The following ARHGAP18 variants were observed in gnomAD, a reference collection of about 807,000 sequenced individuals.
The protein encoded by ARHGAP18 is Rho GTPase activating protein 18, also known as rho GTPase-activating protein 18.
ARHGAP18 carries 67 observed loss-of-function variants against 86.2 expected under a neutral mutation model. That is an observed-to-expected ratio of 0.78 (90% confidence interval 0.64 to 0.95). The LOEUF is 0.95. Among genes scored for constraint, ARHGAP18 ranks in the 40% least tolerant of loss-of-function variants. The pLI is 0.00. For missense variants in ARHGAP18, 691 were observed against 780.4 expected (o/e 0.89, Z 1.37); for synonymous variants, 283 against 280.4 (o/e 1.01, Z -0.09).
intron 1 of ARHGAP18, among the ~76,000 whole-genome samples, chr6:129,681,400 T>C (rs568888189): frequency 6.6e-6 from 1 of 152,334 alleles, no homozygotes; most frequent in Non-Finnish European, 1.5e-5. Context: ...ACATTGTTAA[T>C]ACTTAACAGT....
intron 1 of ARHGAP18, among the ~76,000 whole-genome samples, chr6:129,683,770 G>A (rs895275889): frequency 6.6e-6 from 1 of 152,178 alleles, no homozygotes; most frequent in African/African-American, 2.4e-5. Context: ...GTGTATCTCT[G>A]CCTTGCACAA....
intron 1 of ARHGAP18, among the ~76,000 whole-genome samples, chr6:129,655,317 C>CAAAAAAAAAAAAAAAAAAAAAAAAAAAA (rs55681217): frequency 8.0e-5 from 6 of 75,066 alleles, no homozygotes; most frequent in Non-Finnish European, 1.1e-4. Flanking sequence ...AAAACTCTCT[C>CAAAAAAAAAAAAAAAAAAAAAAAAAAAA]AAAAAAAAAA....
intron 1 of ARHGAP18, chr6:129,661,740 T>C: frequency 3.0e-6 from 1 of 336,824 alleles, no homozygotes; most frequent in Non-Finnish European, 4.2e-6. Context: ...GAGATTCATG[T>C]GATGTCTCTA....
At chr6:129,704,447 AAAACAAAAAAC>A (rs1246313430) in intron 1 of ARHGAP18, among the ~76,000 whole-genome samples, 3 of 152,054 alleles carry the variant, frequency 2.0e-5, no homozygotes, top group Non-Finnish European at 2.9e-5. Context: ...TCAGTATCTG[AAAACAAAAAAC>A]AAACAAAAAA....
rs1403332805 is a variant in ARHGAP18, at chr6:129,625,141, A to G, written c.786+4212T>C. Among the ~76,000 whole-genome samples the G allele has an allele frequency of 1.6e-3, 7 of 4,330 alleles. 1 individual carries two copies. The highest frequency in any genetic ancestry group is 0.023 in the East Asian group (2 of 86). The allele number at this position is 4,330 out of a possible 152,430, so 2.8% of individuals were successfully genotyped here. A position where few individuals can be genotyped will look rare whatever the true frequency, so the allele number is the denominator to read the frequency against. On this transcript the variant is annotated intron_variant, in intron 5 of 14. Coordinates refer to ENST00000368149, the MANE Select transcript of ARHGAP18 (RefSeq NM_033515.3). ...TAGATATATATTATATATGATATAT[A>G]TTATATATTATATAGATATATATTA...
Position 129,646,608 on chromosome 6 carries a change from A to T in ARHGAP18, c.114-4590T>A, listed in dbSNP as rs145786826. ...TAAACATCTTCACATAGATAACATTAAAAAGGCCATTTTTCAAATAAAAAT... is the reference window on the plus strand; with the variant it reads ...TAAACATCTTCACATAGATAACATTTAAAAGGCCATTTTTCAAATAAAAAT... On this transcript the variant is annotated intron_variant, in intron 1 of 14. Transcript: ENST00000368149. 1.4e-3 allele frequency among the ~76,000 whole-genome samples: 213 copies of T among 152,352 alleles called. 3 individuals carry two copies. Among genetic ancestry groups the T allele is most frequent in the Middle Eastern group, 0.014 (4 of 294 alleles).
At chr6:129,587,861 C>G (rs981393334) in intron 12 of ARHGAP18, among the ~76,000 whole-genome samples, 2 of 152,190 alleles carry the variant, frequency 1.3e-5, no homozygotes, top group African/African-American at 4.8e-5. Flanking sequence ...AAAACATAAT[C>G]ATGCCTTTCC....
chr6:129,695,433 T>C (rs1401792553), intron 1 of ARHGAP18, among the ~76,000 whole-genome samples: 1 of 152,196 alleles, frequency 6.6e-6, no homozygotes, highest in Non-Finnish European at 1.5e-5. Context: ...TTTAAGTGGA[T>C]TAACAAAGTA....
intron 10 of ARHGAP18, among the ~76,000 whole-genome samples, chr6:129,605,184 C>T (rs1788827073): frequency 6.6e-6 from 1 of 152,074 alleles, no homozygotes; most frequent in Non-Finnish European, 1.5e-5. Context: ...TACAACTACT[C>T]TATAAACTCT....
At chr6:129,706,601 A>G (rs1399234622) in intron 1 of ARHGAP18, among the ~76,000 whole-genome samples, 1 of 152,220 alleles carries the variant, frequency 6.6e-6, no homozygotes, top group Admixed American at 6.5e-5. Context: ...AAAAAAGGAC[A>G]TGGAGCCGGG....
At chr6:129,592,155 A>C (rs2114438294) in intron 12 of ARHGAP18, among the ~76,000 whole-genome samples, 1 of 152,324 alleles carries the variant, frequency 6.6e-6, no homozygotes, top group Non-Finnish European at 1.5e-5. Flanking sequence ...AATGTCATAA[A>C]AAGAAATAAG....
intron 8 of ARHGAP18, among the ~76,000 whole-genome samples, chr6:129,609,579 C>T (rs1284107915): frequency 6.6e-6 from 1 of 151,148 alleles, no homozygotes; most frequent in African/African-American, 2.5e-5. Flanking sequence ...TGTTTGTTAC[C>T]TGTTTCTGAG....
Position 129,625,041 on chromosome 6 carries a change from A to ATG in ARHGAP18, c.786+4311_786+4312insCA, listed in dbSNP as rs1789323021. On this transcript the variant is annotated intron_variant, in intron 5 of 14. Coordinates refer to ENST00000368149, the MANE Select transcript of ARHGAP18 (RefSeq NM_033515.3). Reference sequence around the variant, plus strand: ...TATATGATATATGATATATATTTATATAATATATATGATTGATATATATTT... The same window carrying ATG: ...TATATGATATATGATATATATTTATATGTAATATATATGATTGATATATATTT... 2.3e-5 allele frequency among the ~76,000 whole-genome samples: 2 copies of ATG among 86,430 alleles called. 1 individual carries two copies. Among genetic ancestry groups the ATG allele is most frequent in the African/African-American group, 9.8e-5 (2 of 20,306 alleles). 56.7% of individuals were successfully genotyped at this position (86,430 alleles called of 152,430 possible).
At chr6:129,605,145 T>C (rs1788826230) in intron 10 of ARHGAP18, among the ~76,000 whole-genome samples, 1 of 152,180 alleles carries the variant, frequency 6.6e-6, no homozygotes, top group Admixed American at 6.6e-5. Context: ...TTTTTTTTCC[T>C]TTTTCTAAGA....
At chr6:129,687,296 C>T (rs1262940678) in intron 1 of ARHGAP18, among the ~76,000 whole-genome samples, 2 of 152,138 alleles carry the variant, frequency 1.3e-5, no homozygotes, top group African/African-American at 4.8e-5. Context: ...TTCCAAATTA[C>T]TGCAAATGCC....
chr6:129,578,514 T>C lies in ARHGAP18; in HGVS notation c.1991A>G (p.Ter664TrpextTer3). The change falls in exon 15 of 15, where the codon TAG becomes TGG. Residue 664 changes from the stop codon to tryptophan, a stop_lost. Coordinates refer to ENST00000368149, the MANE Select transcript of ARHGAP18 (RefSeq NM_033515.3). Reference sequence around the variant, plus strand: ...GTTATCTGCAGCTTGTTAAGTCTTCTACAATGGCTTTGACTTTATAACCCA... The same window carrying C: ...GTTATCTGCAGCTTGTTAAGTCTTCCACAATGGCTTTGACTTTATAACCCA... ...AEWVIKSKPL[*>W] is the part of the protein sequence containing the mutation. The C allele has an allele frequency of 1.9e-6, 3 of 1,610,760 alleles. No individual in the cohort carries two copies. Among genetic ancestry groups the C allele is most frequent in the Non-Finnish European group, 8.5e-7 (1 of 1,177,784 alleles).
At chr6:129,686,452 C>A (rs4895854) in intron 1 of ARHGAP18, among the ~76,000 whole-genome samples, 18,563 of 152,190 alleles carry the variant, frequency 0.12, 1,425 homozygotes, top group African/African-American at 0.21. Flanking sequence ...GAGCCTCCAG[C>A]CTACCACTCC....
intron 5 of ARHGAP18, 28 bp downstream of exon 5, chr6:129,629,325 G>A (rs765671446): frequency 6.3e-7 from 1 of 1,595,294 alleles, no homozygotes; most frequent in Admixed American, 1.7e-5. Flanking sequence ...GTACATATAT[G>A]TATATTTATA....
chr6:129,592,539 C>T (rs1368464658), intron 12 of ARHGAP18, among the ~76,000 whole-genome samples: 1 of 152,184 alleles, frequency 6.6e-6, no homozygotes, highest in Non-Finnish European at 1.5e-5. Context: ...GGGTGTGATA[C>T]TAGCATGTCC....
Sources: gnomAD v4.1 joint callset for allele counts (sites outside exome capture counted in the v4.1 genomes callset) on GRCh38, gnomAD v4.1.1 for gene constraint, MANE v1.5 for transcripts, NCBI Gene and HGNC (gene_info 2026-07-23, HGNC 2026-07-21) for gene names.